The following CCDC191 variants were observed in gnomAD, a reference collection of about 807,000 sequenced individuals.
CCDC191 encodes the protein coiled-coil domain-containing protein 191.
In CCDC191, 99 loss-of-function variants were observed where a neutral mutation model predicts 114.0. The ratio of observed to expected loss-of-function variants is 0.87; its 90% CI spans 0.74 to 1.03. The LOEUF is 1.03. CCDC191 is among the 50% of genes least tolerant of loss of function. The pLI, the probability that CCDC191 is intolerant of heterozygous loss-of-function variation, is 0.00. For synonymous variants in CCDC191, 351 were observed against 376.0 expected (o/e 0.93, Z 0.77); for missense variants, 973 against 1,087.0 (o/e 0.90, Z 1.47).
intron 13 of CCDC191, 43 bp downstream of exon 13, chr3:114,001,552 C>A (rs773004143): frequency 5.0e-6 from 8 of 1,608,686 alleles, no homozygotes; most frequent in Non-Finnish European, 6.8e-6. Flanking sequence ...TCACACACAG[C>A]AAACCTCAAG....
intron 13 of CCDC191, among the ~76,000 whole-genome samples, chr3:113,995,979 T>G (rs199990134): frequency 1 from 151,722 of 152,272 alleles, 75,586 homozygotes; most frequent in Middle Eastern, 1. Flanking sequence ...GGACTGTTTC[T>G]TTTTTTTTTT....
At chr3:114,004,448 G>A (rs1181433385) in intron 11 of CCDC191, 189 bp downstream of exon 11, 15 of 1,163,398 alleles carry the variant, frequency 1.3e-5, no homozygotes, top group Non-Finnish European at 1.5e-5. Context: ...TGGCAAAAGG[G>A]GCAGGAAAAA....
intron 16 of CCDC191, among the ~76,000 whole-genome samples, chr3:113,976,569 G>C (rs1334646201): frequency 1.3e-5 from 2 of 151,426 alleles, no homozygotes; most frequent in Non-Finnish European, 2.9e-5. Context: ...TATAGTGGCT[G>C]AGAAACAGAA....
intron 8 of CCDC191, among the ~76,000 whole-genome samples, chr3:114,013,276 A>G (rs889372266): frequency 2.0e-5 from 3 of 152,066 alleles, no homozygotes; most frequent in African/African-American, 7.2e-5. Context: ...AAAAGAAAAA[A>G]CAGAAAATGT....
intron 8 of CCDC191, among the ~76,000 whole-genome samples, chr3:114,015,925 C>A (rs1195173074): frequency 6.6e-6 from 1 of 151,986 alleles, no homozygotes; most frequent in African/African-American, 2.4e-5. Context: ...ACAGGCTCAA[C>A]AAGGAAAGAT....
chr3:113,997,467 T>C (rs1055778023), intron 13 of CCDC191, among the ~76,000 whole-genome samples: 5 of 152,140 alleles, frequency 3.3e-5, no homozygotes, highest in African/African-American at 1.2e-4. Context: ...AGTACTTAGA[T>C]CTTGCTTTCC....
intron 2 of CCDC191, among the ~76,000 whole-genome samples, chr3:114,048,054 T>C (rs2107758788): frequency 6.6e-6 from 1 of 152,328 alleles, no homozygotes; most frequent in South Asian, 2.1e-4. Context: ...TCTCCCATGA[T>C]TGCTGTGTTT....
At chr3:114,051,874 GA>G (rs1181384893) in intron 2 of CCDC191, among the ~76,000 whole-genome samples, 1 of 152,040 alleles carries the variant, frequency 6.6e-6, no homozygotes, top group African/African-American at 2.4e-5. Flanking sequence ...GAAGCAGCAG[GA>G]AAAAAACAGT....
chr3:114,038,632 T>C (rs1158110358), intron 4 of CCDC191, among the ~76,000 whole-genome samples: 1 of 152,234 alleles, frequency 6.6e-6, no homozygotes. Context: ...TTTGGGTATA[T>C]ACCCAGTAAT....
At chr3:114,052,229 C>T (rs1577485721) in intron 2 of CCDC191, among the ~76,000 whole-genome samples, 2 of 151,644 alleles carry the variant, frequency 1.3e-5, no homozygotes, top group African/African-American at 4.9e-5. Flanking sequence ...AGAGCCAATG[C>T]AGAAATGTTA....
chr3:113,994,967 A>G (rs984421556), intron 13 of CCDC191, among the ~76,000 whole-genome samples: 6 of 152,230 alleles, frequency 3.9e-5, no homozygotes, highest in African/African-American at 1.4e-4. Context: ...AGCAGTATCA[A>G]TAGAGGAATA....
chr3:113,971,240 T>A (rs1489143709), intron 16 of CCDC191, among the ~76,000 whole-genome samples: 1 of 152,208 alleles, frequency 6.6e-6, no homozygotes. Context: ...GTTTCCTGAC[T>A]TTTTAATGAT....
intron 16 of CCDC191, among the ~76,000 whole-genome samples, chr3:113,973,543 A>G (rs1030760400): frequency 6.7e-6 from 1 of 149,010 alleles, no homozygotes; most frequent in Admixed American, 6.7e-5. Context: ...AACTTTCTCT[A>G]TCCTTCATAT....
At chr3:114,017,970 G>A (rs1243427965) in intron 8 of CCDC191, among the ~76,000 whole-genome samples, 1 of 152,102 alleles carries the variant, frequency 6.6e-6, no homozygotes, top group East Asian at 1.9e-4. Context: ...TTGATTTTAA[G>A]ATGATGGAAT....
intron 16 of CCDC191, among the ~76,000 whole-genome samples, chr3:113,974,974 A>G (rs909539113): frequency 1.3e-5 from 2 of 152,196 alleles, no homozygotes; most frequent in African/African-American, 4.8e-5. Flanking sequence ...TGATAATTAC[A>G]TGTGGGTGTA....
At chr3:113,970,695 T>A (rs1465116123) in intron 16 of CCDC191, among the ~76,000 whole-genome samples, 1 of 152,140 alleles carries the variant, frequency 6.6e-6, no homozygotes, top group Non-Finnish European at 1.5e-5. Flanking sequence ...ATTAGGTATA[T>A]CTCCTAATGC....
chr3:114,028,722 G>A (rs2107720076), intron 7 of CCDC191, among the ~76,000 whole-genome samples: 1 of 151,490 alleles, frequency 6.6e-6, no homozygotes, highest in African/African-American at 2.4e-5. Flanking sequence ...AACCTGTGGT[G>A]CTGGATTATC....
At chr3:114,012,966 T>C (rs1181083253) in intron 8 of CCDC191, among the ~76,000 whole-genome samples, 3 of 152,194 alleles carry the variant, frequency 2.0e-5, no homozygotes, top group African/African-American at 4.8e-5. Context: ...GAAAATGTAG[T>C]TGGCCAGGCG....
At position 114,023,343 on chromosome 3, in the gene CCDC191, T is replaced by C. The variant is rs541512481; in HGVS notation, c.973-4475A>G. ...CTACCAATGACTTTCTTCACAGAAGTGGAAAAAACTACTTTAAAGTTCATA... is the reference window on the plus strand; with the variant it reads ...CTACCAATGACTTTCTTCACAGAAGCGGAAAAAACTACTTTAAAGTTCATA... On this transcript the variant is annotated intron_variant, in intron 7 of 16. Coordinates refer to ENST00000295878, the MANE Select transcript of CCDC191 (RefSeq NM_020817.2). Among the ~76,000 whole-genome samples the C allele has an allele frequency of 4.6e-5, 7 of 152,138 alleles. No homozygotes were observed. In the South Asian group the frequency reaches 1.5e-3, roughly 32 times the overall value.
Sources: gnomAD v4.1 joint callset for allele counts (sites outside exome capture counted in the v4.1 genomes callset) on GRCh38, gnomAD v4.1.1 for gene constraint, MANE v1.5 for transcripts, NCBI Gene and HGNC (gene_info 2026-07-23, HGNC 2026-07-21) for gene names.